Variants in TMTC1 observed in about 807,000 individuals in gnomAD.
TMTC1 encodes transmembrane O-mannosyltransferase targeting cadherins 1.
Under a neutral mutation model 104.8 loss-of-function variants are expected in TMTC1, and 73 were observed. The observed-to-expected ratio is 0.70, with a 90% CI of 0.58 to 0.85. The LOEUF (loss-of-function observed/expected upper bound fraction) is 0.85. Ranked by LOEUF, TMTC1 falls within the 40% of genes least tolerant of loss-of-function variation. The pLI, the probability that TMTC1 is intolerant of heterozygous loss-of-function variation, is 0.00. For synonymous variants in TMTC1, 434 were observed against 428.7 expected (o/e 1.01, Z -0.15); for missense variants, 1,035 against 1,096.1 (o/e 0.94, Z 0.79).
chr12:29,624,530 A>G (rs560110804), intron 6 of TMTC1, among the ~76,000 whole-genome samples: 3 of 152,252 alleles, frequency 2.0e-5, no homozygotes, highest in African/African-American at 7.2e-5. Flanking sequence ...ACTTGGCTCC[A>G]GCCATCTCAG....
At chr12:29,610,709 T>A (rs1312162426) in intron 6 of TMTC1, among the ~76,000 whole-genome samples, 4 of 152,188 alleles carry the variant, frequency 2.6e-5, no homozygotes, top group African/African-American at 9.7e-5. Context: ...TTAGGGACAG[T>A]CCTCTTGTGA....
chr12:29,741,603 T>A (rs1329283995), intron 5 of TMTC1, among the ~76,000 whole-genome samples: 1 of 152,194 alleles, frequency 6.6e-6, no homozygotes, highest in African/African-American at 2.4e-5. Context: ...CCCTGTGCTA[T>A]CTCTCATTTC....
intron 5 of TMTC1, among the ~76,000 whole-genome samples, chr12:29,716,347 T>C (rs11050406): frequency 0.063 from 9,551 of 152,152 alleles, 402 homozygotes; most frequent in South Asian, 0.17. Context: ...AACTTCCATT[T>C]TACAGATAAG....
chr12:29,742,331 T>C (rs561419058), intron 5 of TMTC1, among the ~76,000 whole-genome samples: 82 of 152,302 alleles, frequency 5.4e-4, no homozygotes, highest in South Asian at 1.4e-3. Context: ...ATACTTATGT[T>C]TATTTTAAAC....
At chr12:29,770,550 G>T (rs766750579) in intron 1 of TMTC1, among the ~76,000 whole-genome samples, 1 of 152,210 alleles carries the variant, frequency 6.6e-6, no homozygotes, top group South Asian at 2.1e-4. Flanking sequence ...GCTTAAAAAC[G>T]TACACACAAG....
intron 1 of TMTC1, among the ~76,000 whole-genome samples, chr12:29,770,308 T>G (rs893311683): frequency 6.6e-6 from 1 of 152,198 alleles, no homozygotes; most frequent in Admixed American, 6.5e-5. Flanking sequence ...ATGGTAGGCA[T>G]GAATCACCTT....
chr12:29,761,951 C>T (rs1242649306), intron 2 of TMTC1, among the ~76,000 whole-genome samples: 3 of 151,924 alleles, frequency 2.0e-5, no homozygotes, highest in African/African-American at 4.8e-5. Context: ...TTTGGGAGAC[C>T]GAGGTGGACA....
chr12:29,563,216 C>T (rs914514259), intron 9 of TMTC1, among the ~76,000 whole-genome samples: 9 of 152,148 alleles, frequency 5.9e-5, no homozygotes, highest in Non-Finnish European at 1.2e-4. Flanking sequence ...CAATTTTCTC[C>T]AAGTTTTTCC....
rs1265759844 is a variant in TMTC1, at chr12:29,783,689, GC to G, written c.62del (p.Gly21AlafsTer4). ...GGDRTPSRRR[G>X]CGLAPAGAAA... is the part of the protein sequence containing the mutation. ...CGGCCCCGGCCGGCGCTAGCCCGCAGCCCCGCCGCCGGGAGGGTGTGCGGTC... is the reference window on the plus strand; with the variant it reads ...CGGCCCCGGCCGGCGCTAGCCCGCAGCCCGCCGCCGGGAGGGTGTGCGGTC... On this transcript the variant is annotated frameshift_variant, in exon 1 of 18. Transcript: ENST00000539277. LOFTEE classifies it high-confidence loss of function. This position sits in a 1 kb window ranked among gnomAD's most constrained non-coding sequence, Gnocchi z 4.7. 1 of 1,273,046 alleles carries G rather than the reference GC, an allele frequency of 7.9e-7. No homozygotes were observed. The highest frequency in any genetic ancestry group is 9.8e-7 in the Non-Finnish European group (1 of 1,017,848). 78.9% of individuals were successfully genotyped at this position (1,273,046 alleles called of 1,614,324 possible). A position where few individuals can be genotyped will look rare whatever the true frequency, so the allele number is the denominator to read the frequency against.
chr12:29,718,730 G>A (rs766806361), intron 5 of TMTC1, among the ~76,000 whole-genome samples: 1 of 152,006 alleles, frequency 6.6e-6, no homozygotes, highest in Non-Finnish European at 1.5e-5. Context: ...TGAGGAGATC[G>A]AGACCATCCT....
At chr12:29,629,947 A>G (rs1591828385) in intron 6 of TMTC1, among the ~76,000 whole-genome samples, 1 of 152,084 alleles carries the variant, frequency 6.6e-6, no homozygotes, top group East Asian at 1.9e-4. Context: ...CCTTTTACCT[A>G]TTTGCAATAT....
chr12:29,617,615 G>A (rs1947022832), intron 6 of TMTC1, among the ~76,000 whole-genome samples: 2 of 151,858 alleles, frequency 1.3e-5, no homozygotes, highest in African/African-American at 2.4e-5. Context: ...AAGAGACCAC[G>A]AGAAAGTGAG....
intron 8 of TMTC1, among the ~76,000 whole-genome samples, chr12:29,575,920 T>C (rs1350667475): frequency 2.0e-5 from 3 of 152,184 alleles, no homozygotes; most frequent in Admixed American, 1.3e-4. Flanking sequence ...ATCTCTTGTG[T>C]TTATGACAAT....
intron 9 of TMTC1, among the ~76,000 whole-genome samples, chr12:29,559,711 G>A (rs12301349): frequency 1.3e-5 from 2 of 152,096 alleles, no homozygotes; most frequent in Admixed American, 6.6e-5. Flanking sequence ...ACAGGGACTC[G>A]CTGATTCTAT....
intron 5 of TMTC1, among the ~76,000 whole-genome samples, chr12:29,652,716 T>C (rs552622807): frequency 6.6e-6 from 1 of 152,168 alleles, no homozygotes; most frequent in East Asian, 1.9e-4. Flanking sequence ...CACATTTAAA[T>C]GGGAAGGAAA....
At chr12:29,592,976 G>C (rs999035223) in intron 7 of TMTC1, among the ~76,000 whole-genome samples, 1 of 152,138 alleles carries the variant, frequency 6.6e-6, no homozygotes, top group African/African-American at 2.4e-5. Flanking sequence ...GACTCTATTA[G>C]GTACAGTGGA....
At position 29,635,534 on chromosome 12, in the gene TMTC1, G is replaced by T. The variant is rs188816178; in HGVS notation, c.939-2198C>A. On this transcript the variant is annotated intron_variant, in intron 5 of 17. Coordinates refer to ENST00000539277, the MANE Select transcript of TMTC1 (RefSeq NM_001193451.2). ...TGCTTAAATTATCAGGTGAAAAGCC[G>T]ATGAGGTCCTTTATTTATAATAGTT... 2.6e-5 allele frequency among the ~76,000 whole-genome samples: 4 copies of T among 152,296 alleles called. No individual in the cohort carries two copies. In the East Asian group the frequency reaches 7.7e-4, roughly 29 times the overall value.
rs1199482412 is a variant in TMTC1 at position 29,517,446 on chromosome 12, C to A, written c.2150G>T (p.Arg717Met). The A allele has an allele frequency of 6.2e-7, 1 of 1,614,114 alleles. No individual in the cohort carries two copies. Among genetic ancestry groups the A allele is most frequent in the Non-Finnish European group, 8.5e-7 (1 of 1,180,010 alleles). ...ACTCACCAGTGCCAAGCGGAGCTCCCTCTGAGAAGGCTGAAGTGCTGCAGC... is the reference window on the plus strand; with the variant it reads ...ACTCACCAGTGCCAAGCGGAGCTCCATCTGAGAAGGCTGAAGTGCTGCAGC... Reference protein sequence around the residue: ...QEAAALQPSQRELRLALAQVL... With the variant: ...QEAAALQPSQMELRLALAQVL... Residue 717 changes from arginine (R) to methionine (M), a missense_variant, in exon 14 of 18, where the codon AGG (arginine) becomes ATG (methionine). Transcript: ENST00000539277.
At chr12:29,754,946 C>T (rs1943180419) in intron 4 of TMTC1, among the ~76,000 whole-genome samples, 1 of 152,026 alleles carries the variant, frequency 6.6e-6, no homozygotes. Context: ...TTTGATACGG[C>T]AGGGGAATAA....
Sources: gnomAD v4.1 joint callset for allele counts (sites outside exome capture counted in the v4.1 genomes callset) on GRCh38, gnomAD v4.1.1 for gene constraint, Gnocchi (gnomAD v3.1) non-coding constraint, MANE v1.5 for transcripts, NCBI Gene and HGNC (gene_info 2026-07-23, HGNC 2026-07-21) for gene names.